ARHGAP26: variants seen among roughly 807,000 people sequenced by gnomAD.
ARHGAP26 encodes Rho GTPase activating protein 26.
ARHGAP26 carries 38 observed loss-of-function variants against 104.8 expected under a neutral mutation model. The observed-to-expected ratio is 0.36, with a 90% CI of 0.28 to 0.48. The LOEUF is 0.48. Among genes scored for constraint, ARHGAP26 ranks in the 20% least tolerant of loss-of-function variants. The pLI is 0.99. For synonymous variants in ARHGAP26, 341 were observed against 340.0 expected (o/e 1.00, Z -0.03); for missense variants, 704 against 947.9 (o/e 0.74, Z 3.38).
rs1764821306 is a variant in ARHGAP26 at position 142,932,136 on chromosome 5, A to G, written c.1107+11A>G. On this transcript the variant is annotated intron_variant, in intron 11 of 22. Coordinates refer to ENST00000645722, the MANE Select transcript of ARHGAP26 (RefSeq NM_001135608.3). ...GATGGCCGGGAACCTGTAAGTAACA[A>G]TTCAGGGAAGTAGAGCAAGAATGAA... 2 of 1,613,136 alleles carry G rather than the reference A, an allele frequency of 1.2e-6. No homozygotes were observed. Among genetic ancestry groups the G allele is most frequent in the African/African-American group, 2.7e-5 (2 of 74,888 alleles).
intron 18 of ARHGAP26, among the ~76,000 whole-genome samples, chr5:143,125,287 G>T (rs1294898835): frequency 1.4e-4 from 21 of 152,074 alleles, no homozygotes. Flanking sequence ...TCAGCTGAGG[G>T]TTAATAGTGA....
At chr5:142,961,888 AT>A (rs1770315453) in intron 11 of ARHGAP26, among the ~76,000 whole-genome samples, 1 of 151,922 alleles carries the variant, frequency 6.6e-6, no homozygotes, top group South Asian at 2.1e-4. Context: ...TCTCTTTTAA[AT>A]TTGTTATTTT....
chr5:142,999,384 A>G (rs757104984), intron 11 of ARHGAP26, among the ~76,000 whole-genome samples: 5 of 152,140 alleles, frequency 3.3e-5, no homozygotes, highest in Non-Finnish European at 1.5e-5. Flanking sequence ...TTTTATTAAT[A>G]TAGTGAGGGT....
chr5:143,088,862 G>A (rs1289174447), intron 17 of ARHGAP26, among the ~76,000 whole-genome samples: 1 of 152,170 alleles, frequency 6.6e-6, no homozygotes, highest in Non-Finnish European at 1.5e-5. Flanking sequence ...GACGGGGTGA[G>A]TGGTTTGGCG....
At chr5:143,042,837 T>C (rs561250911) in intron 14 of ARHGAP26, among the ~76,000 whole-genome samples, 7 of 152,352 alleles carry the variant, frequency 4.6e-5, no homozygotes, top group Non-Finnish European at 1.0e-4. Flanking sequence ...CATTCACTTC[T>C]TGTAGCCAAA....
chr5:142,992,774 A>T (rs1053841047), intron 11 of ARHGAP26, among the ~76,000 whole-genome samples: 1 of 152,190 alleles, frequency 6.6e-6, no homozygotes, highest in Non-Finnish European at 1.5e-5. Context: ...CAGCTGCCAT[A>T]CAGAGACCAT....
chr5:143,214,177 G>T (rs190917542), intron 22 of ARHGAP26, 89 bp downstream of exon 22: 5 of 866,294 alleles, frequency 5.8e-6, no homozygotes, highest in African/African-American at 3.3e-5. Flanking sequence ...AGCTCCTCCC[G>T]AGGGAAAATC....
At chr5:143,091,534 A>G (rs1033506337) in intron 17 of ARHGAP26, among the ~76,000 whole-genome samples, 2 of 152,212 alleles carry the variant, frequency 1.3e-5, no homozygotes, top group African/African-American at 4.8e-5. Context: ...GACCAAAGAA[A>G]GCCAAACACC....
intron 11 of ARHGAP26, among the ~76,000 whole-genome samples, chr5:143,008,139 A>C (rs1347087225): frequency 6.6e-6 from 1 of 152,258 alleles, no homozygotes; most frequent in Non-Finnish European, 1.5e-5. Context: ...TAGAATTTAC[A>C]TTCAGTGCTG....
chr5:143,150,815 A>T (rs1288131813), intron 20 of ARHGAP26, among the ~76,000 whole-genome samples: 1 of 152,252 alleles, frequency 6.6e-6, no homozygotes, highest in Non-Finnish European at 1.5e-5. Flanking sequence ...AAAACTGTAA[A>T]ACCTCTAGAA....
chr5:142,925,095 A>G (rs1008355993), intron 10 of ARHGAP26, among the ~76,000 whole-genome samples: 29 of 152,160 alleles, frequency 1.9e-4, no homozygotes, highest in African/African-American at 5.6e-4. Flanking sequence ...AAAACTGAAA[A>G]AAATCTTTAA....
At chr5:143,125,977 T>C (rs1796683934) in intron 18 of ARHGAP26, among the ~76,000 whole-genome samples, 1 of 152,236 alleles carries the variant, frequency 6.6e-6, no homozygotes, top group African/African-American at 2.4e-5. Flanking sequence ...CTAGTTAATC[T>C]CTTTTCAGTG....
chr5:142,799,645 A>C (rs1263173164), intron 1 of ARHGAP26, among the ~76,000 whole-genome samples: 1 of 152,212 alleles, frequency 6.6e-6, no homozygotes, highest in Non-Finnish European at 1.5e-5. Flanking sequence ...GGGAAGTCCA[A>C]GATTGAGGGC....
At chr5:143,167,708 T>C (rs1802203035) in intron 20 of ARHGAP26, among the ~76,000 whole-genome samples, 1 of 152,080 alleles carries the variant, frequency 6.6e-6, no homozygotes, top group South Asian at 2.1e-4. Context: ...TTTGTTTTGT[T>C]TTAACTGGTG....
intron 1 of ARHGAP26, among the ~76,000 whole-genome samples, chr5:142,791,587 T>C (rs1450832092): frequency 2.0e-5 from 3 of 152,222 alleles, no homozygotes; most frequent in African/African-American, 7.2e-5. Context: ...CAAAGCCGTT[T>C]GTTTGTGTAT....
Position 143,070,317 on chromosome 5 carries a change from A to G in ARHGAP26, c.1538+12570A>G, listed in dbSNP as rs1788066596. Among the ~76,000 whole-genome samples, 4 of 152,216 alleles carry G rather than the reference A, an allele frequency of 2.6e-5. No homozygotes were observed. The South Asian group carries it at 8.3e-4, about 32-fold the overall frequency. ...TCTGTCCTACAAGGTCATTCTCCCC[A>G]GCCCTAACCAGATTGTTAATGAAGC... On this transcript the variant is annotated intron_variant, in intron 17 of 22. Coordinates refer to ENST00000645722, the MANE Select transcript of ARHGAP26 (RefSeq NM_001135608.3).
At chr5:143,217,453 G>A (rs191727731) in intron 22 of ARHGAP26, among the ~76,000 whole-genome samples, 2 of 152,304 alleles carry the variant, frequency 1.3e-5, no homozygotes, top group East Asian at 1.9e-4. Context: ...TCTCAGGAAC[G>A]TTAGTCATCT....
At chr5:142,780,580 T>A (rs542952329) in intron 1 of ARHGAP26, among the ~76,000 whole-genome samples, 138 of 152,354 alleles carry the variant, frequency 9.1e-4, no homozygotes, top group African/African-American at 3.0e-3. Context: ...TGTGTATTGT[T>A]AATTCTGGGA....
intron 1 of ARHGAP26, among the ~76,000 whole-genome samples, chr5:142,830,446 A>G (rs918698931): frequency 1.3e-5 from 2 of 152,176 alleles, no homozygotes; most frequent in African/African-American, 4.8e-5. Context: ...TTTGTGTTAC[A>G]TTTCCACAGG....
Sources: allele counts gnomAD v4.1 joint callset (sites outside exome capture counted in the v4.1 genomes callset), GRCh38; gene constraint gnomAD v4.1.1; transcripts MANE v1.5; gene names NCBI Gene and HGNC (gene_info 2026-07-23, HGNC 2026-07-21).